ERMP1: variants seen among roughly 807,000 people sequenced by gnomAD.
ERMP1 encodes the protein endoplasmic reticulum metallopeptidase 1.
A neutral mutation model predicts 92.0 loss-of-function variants in ERMP1; 86 were observed. That is an observed-to-expected ratio of 0.93 (90% confidence interval 0.79 to 1.12). The LOEUF (loss-of-function observed/expected upper bound fraction) is 1.12. Ranked by LOEUF, ERMP1 falls within the 50% of genes most tolerant of loss-of-function variation. The pLI is 0.00. For missense variants in ERMP1, 1,342 were observed against 1,116.3 expected, an observed-to-expected ratio of 1.20 and a Z score of -2.88; for synonymous variants, 530 against 412.8, an observed-to-expected ratio of 1.28 and a Z score of -3.44.
At chr9:5,838,792 A>C (rs568534193) in intron 6 of ERMP1, among the ~76,000 whole-genome samples, 105 of 152,244 alleles carry the variant, frequency 6.9e-4, no homozygotes, top group Non-Finnish European at 1.3e-3. Flanking sequence ...CATTATAAAT[A>C]TTAAGAGAAA....
upstream of ERMP1, among the ~76,000 whole-genome samples, chr9:5,834,162 T>C (rs989758582): frequency 6.6e-6 from 1 of 152,364 alleles, no homozygotes; most frequent in Middle Eastern, 3.4e-3. Flanking sequence ...CTGGCCTCTT[T>C]CAAAGACTTC....
In ERMP1 at chr9:5,787,457, A is replaced by G. The variant is rs142753636; in HGVS notation, c.2523T>C (p.Ser841=). 7.1e-4 allele frequency: 1,153 copies of G among 1,613,908 alleles called. 6 individuals are homozygous for G. The African/African-American group carries it at 0.014, about 19-fold the overall frequency. Residue 841 remains serine (S), a synonymous_variant, in exon 14 of 15, where the codon TCT becomes TCC. Transcript: ENST00000339450. ...FVFYSHGLQA[S]AWQFWIEVQV... ...GCACTTCTATCCAGAACTGCCATGC[A>G]GAGGCCTGGAGTCCATGGGAGTAAA...
chr9:5,786,485 G>C lies in ERMP1; in HGVS notation c.*659C>G, dbSNP rs1014632829. On this transcript the variant is annotated 3_prime_UTR_variant, in exon 15 of 15. Transcript: ENST00000339450. ...AGGCATAGAAAACCACCTCAGGAAAGCAGCACAGCAGTGCATCTGTGTGTC... is the reference window on the plus strand; with the variant it reads ...AGGCATAGAAAACCACCTCAGGAAACCAGCACAGCAGTGCATCTGTGTGTC... The C allele has an allele frequency of 6.6e-6, 1 of 152,368 alleles. No homozygotes were observed. The allele number at this position is 152,368 out of a possible 1,614,324, so 9.4% of individuals were successfully genotyped here. A position where few individuals can be genotyped will look rare whatever the true frequency, so the allele number is the denominator to read the frequency against.
chr9:5,790,354 A>G (rs1828133953), intron 13 of ERMP1, among the ~76,000 whole-genome samples: 1 of 152,142 alleles, frequency 6.6e-6, no homozygotes, highest in South Asian at 2.1e-4. Context: ...AAGAGCATAG[A>G]AGACACCTCA....
At chr9:5,807,456 C>T (rs1461129746) in intron 8 of ERMP1, among the ~76,000 whole-genome samples, 1 of 152,100 alleles carries the variant, frequency 6.6e-6, no homozygotes. Context: ...CTTCAAAAAC[C>T]CCATTCAGGC....
intron 13 of ERMP1, among the ~76,000 whole-genome samples, chr9:5,790,571 T>C (rs112762629): frequency 3.5e-4 from 54 of 152,240 alleles, no homozygotes; most frequent in African/African-American, 1.3e-3. Context: ...AAAGGGTAAA[T>C]AAAGGTATGA....
intron 6 of ERMP1, among the ~76,000 whole-genome samples, chr9:5,841,486 T>C (rs1830162836): frequency 6.6e-6 from 1 of 152,018 alleles, no homozygotes; most frequent in African/African-American, 2.4e-5. Flanking sequence ...AGGTATGGGG[T>C]TTCCTTTCTG....
At chr9:5,790,214 C>T (rs571022628) in intron 13 of ERMP1, among the ~76,000 whole-genome samples, 89 of 122,520 alleles carry the variant, frequency 7.3e-4, no homozygotes, top group Non-Finnish European at 1.0e-3. Context: ...GAGTCTCGTT[C>T]TGTGGCCCAG....
Position 5,801,257 on chromosome 9 carries a change from T to A in ERMP1, c.1986A>T (p.Thr662=). The change falls in exon 11 of 15, where the codon ACA becomes ACT. Residue 662 remains threonine (T), a synonymous_variant. Transcript: ENST00000339450. ...MLTLTLVCAI[T]FLLVCSGTFF... ...ATGTTCCACTGCAAACAAGGAGGAATGTAATTGCACATACCAAAGTTAAAG... is the reference window on the plus strand; with the variant it reads ...ATGTTCCACTGCAAACAAGGAGGAAAGTAATTGCACATACCAAAGTTAAAG... 1.2e-6 allele frequency: 2 copies of A among 1,613,866 alleles called. No individual in the cohort carries two copies. Among genetic ancestry groups the A allele is most frequent in the Non-Finnish European group, 8.5e-7 (1 of 1,179,844 alleles).
Position 5,784,928 on chromosome 9 carries a change from C to T in ERMP1, c.*2216G>A, listed in dbSNP as rs1221808252. 2 of 152,068 alleles carry T rather than the reference C, an allele frequency of 1.3e-5. No homozygotes were observed. Among genetic ancestry groups the T allele is most frequent in the Admixed American group, 6.6e-5 (1 of 15,264 alleles). 9.4% of individuals were successfully genotyped at this position (152,068 alleles called of 1,614,324 possible). On this transcript the variant is annotated 3_prime_UTR_variant, in exon 15 of 15. Transcript: ENST00000339450. ...GTGACTTTGTTAGAGCTTGAAAAGA[C>T]CCTTTTAGAAATTATTTAAATGATC...
At chr9:5,837,195 G>A (rs1293359547), upstream of ERMP1, among the ~76,000 whole-genome samples, 4 of 152,066 alleles carry the variant, frequency 2.6e-5, no homozygotes, top group Non-Finnish European at 5.9e-5. Flanking sequence ...ATGTTGCCTA[G>A]GCTGGACTTG....
At chr9:5,788,932 A>T (rs993842695) in intron 13 of ERMP1, among the ~76,000 whole-genome samples, 4 of 152,194 alleles carry the variant, frequency 2.6e-5, no homozygotes, top group African/African-American at 7.2e-5. Context: ...ATAGATTCAA[A>T]GGAAAATTTA....
chr9:5,817,309 C>G (rs905907469), intron 4 of ERMP1, among the ~76,000 whole-genome samples: 3 of 152,166 alleles, frequency 2.0e-5, no homozygotes, highest in African/African-American at 7.2e-5. Flanking sequence ...CCTGCCTCAG[C>G]CTCCCAAGTA....
intron 4 of ERMP1, among the ~76,000 whole-genome samples, chr9:5,815,526 G>C (rs1420108760): frequency 7.0e-6 from 1 of 142,472 alleles, no homozygotes; most frequent in Non-Finnish European, 1.5e-5. Context: ...AAAATGGAAA[G>C]CCTTCCTTCT....
chr9:5,832,356 G>A (rs766057768), intron 1 of ERMP1: 2 of 291,606 alleles, frequency 6.9e-6, no homozygotes, highest in Non-Finnish European at 1.3e-5. Flanking sequence ...GAAGGGCTAA[G>A]CAAGGTAAAA....
At position 5,833,080 on chromosome 9, in the gene ERMP1, CCGCCGCCGA is replaced by C. The variant is rs879031527; in HGVS notation, c.-62_-54del. The C allele has an allele frequency of 2.9e-5, 40 of 1,364,278 alleles. 1 individual carries two copies. Among genetic ancestry groups the C allele is most frequent in the East Asian group, 1.5e-4 (5 of 33,696 alleles). 84.5% of individuals were successfully genotyped at this position (1,364,278 alleles called of 1,614,324 possible). A position where few individuals can be genotyped will look rare whatever the true frequency, so the allele number is the denominator to read the frequency against. ...CCGCCCCAACCCGCGACAGCCCCGG[CCGCCGCCGA>C]CGCCGCCGTCGCTGCCGCAGCGCCT... On this transcript the variant is annotated 5_prime_UTR_variant, in exon 1 of 15. Coordinates refer to ENST00000339450, the MANE Select transcript of ERMP1 (RefSeq NM_024896.3).
chr9:5,812,244 A>T (rs963105662), intron 5 of ERMP1, 27 bp from the exon 6 acceptor site: 1 of 1,368,334 alleles, frequency 7.3e-7, no homozygotes, highest in East Asian at 2.4e-5. Context: ...GAAAAAAAAA[A>T]GTCATTTTGC....
chr9:5,856,160 A>C (rs1047353072), intron 6 of ERMP1: 9 of 308,256 alleles, frequency 2.9e-5, no homozygotes, highest in Admixed American at 8.9e-5. Context: ...AAATCAGGGC[A>C]TTGGTTTGTC....
upstream of ERMP1, among the ~76,000 whole-genome samples, chr9:5,836,000 G>A (rs1214251752): frequency 6.6e-6 from 1 of 152,212 alleles, no homozygotes; most frequent in Admixed American, 6.5e-5. Flanking sequence ...CCCGTCTGGT[G>A]AGCTATTGAT....
Sources: gnomAD v4.1 joint callset for allele counts (sites outside exome capture counted in the v4.1 genomes callset) on GRCh38, gnomAD v4.1.1 for gene constraint, MANE v1.5 for transcripts, NCBI Gene and HGNC (gene_info 2026-07-23, HGNC 2026-07-21) for gene names.